Variants in GET1 observed in about 807,000 individuals in gnomAD.
The protein encoded by GET1 is congenital heart disease 5 protein.
GET1 carries 20 observed loss-of-function variants against 22.6 expected under a neutral mutation model. The observed-to-expected ratio is 0.89, with a 90% CI of 0.62 to 1.29. The LOEUF is 1.29. GET1 is among the 50% of genes most tolerant of loss of function. The pLI is 0.00. For missense variants in GET1, 209 were observed against 219.9 expected (o/e 0.95, Z 0.31); for synonymous variants, 92 against 83.8 (o/e 1.10, Z -0.53).
At chr21:39,415,577 T>C (rs1391879586) in intron 1 of GET1, among the ~76,000 whole-genome samples, 1 of 152,220 alleles carries the variant, frequency 6.6e-6, no homozygotes, top group Non-Finnish European at 1.5e-5. Flanking sequence ...AACTGCAGTA[T>C]CTTCATTCCA....
intron 3 of GET1, 154 bp from the exon 4 acceptor site, chr21:39,393,012 C>T (rs1601628458): frequency 3.4e-6 from 2 of 593,142 alleles, no homozygotes; most frequent in Non-Finnish European, 3.0e-6. Context: ...GCTGTGCGTG[C>T]TCATCTGTTG....
Position 39,393,217 on chromosome 21 carries a change from G to A in GET1, c.388G>A (p.Val130Ile), listed in dbSNP as rs2038422006. 1.2e-6 allele frequency: 2 copies of A among 1,614,238 alleles called. No individual in the cohort carries two copies. Among genetic ancestry groups the A allele is most frequent in the South Asian group, 2.2e-5 (2 of 91,086 alleles). ...IWKYYSVPVAVVPSKWITPLD... is the reference protein window; with the variant it reads ...IWKYYSVPVAIVPSKWITPLD... ...GAAGTATTATTCTGTCCCTGTGGCT[G>A]TCGTGCCGAGTAAATGGATAACCCC... Residue 130 changes from valine to isoleucine, a missense_variant, in exon 4 of 5, where the codon GTC (valine) becomes ATC (isoleucine). Physicochemically the swap from Val to Ile is conservative, Grantham distance 29. Coordinates refer to ENST00000649170, the MANE Select transcript of GET1 (RefSeq NM_004627.6).
chr21:39,384,619 T>C (rs180868417), intron 1 of GET1, among the ~76,000 whole-genome samples: 8 of 151,930 alleles, frequency 5.3e-5, no homozygotes, highest in East Asian at 3.9e-4. Context: ...GGGTTTGTTA[T>C]ATAGGTAAAC....
At chr21:39,417,151 GCCT>G (rs1211179027) in intron 1 of GET1, among the ~76,000 whole-genome samples, 1 of 152,166 alleles carries the variant, frequency 6.6e-6, no homozygotes, top group Admixed American at 6.5e-5. Flanking sequence ...TCCTGCCCCA[GCCT>G]CCTGAGTAGC....
intron 4 of GET1, among the ~76,000 whole-genome samples, chr21:39,403,842 G>A (rs2038912222): frequency 6.6e-6 from 1 of 151,848 alleles, no homozygotes; most frequent in African/African-American, 2.4e-5. Context: ...GGCTGGTCTC[G>A]AACTCCCGAC....
At chr21:39,388,235 G>A (rs914607505) in intron 1 of GET1, among the ~76,000 whole-genome samples, 3 of 152,158 alleles carry the variant, frequency 2.0e-5, no homozygotes, top group African/African-American at 7.2e-5. Context: ...GAGTGTGGTG[G>A]TGCAGGCCTG....
At chr21:39,384,770 C>T (rs779942309) in intron 1 of GET1, among the ~76,000 whole-genome samples, 2 of 151,966 alleles carry the variant, frequency 1.3e-5, no homozygotes, top group African/African-American at 2.4e-5. Flanking sequence ...TTTTAGAGGC[C>T]GGGTCTTGCT....
At chr21:39,405,734 A>G in intron 4 of GET1, 1 of 537,998 alleles carries the variant, frequency 1.9e-6, no homozygotes. Flanking sequence ...TAGATTAGCA[A>G]TCAAACAAAA....
At chr21:39,420,880 A>G (rs746711395) in intron 1 of GET1, 13 of 1,537,670 alleles carry the variant, frequency 8.5e-6, no homozygotes, top group Non-Finnish European at 1.1e-5. Flanking sequence ...TCTGCAACCA[A>G]GTTAGTATGT....
At chr21:39,404,854 G>A (rs2038958785) in intron 4 of GET1, among the ~76,000 whole-genome samples, 1 of 137,574 alleles carries the variant, frequency 7.3e-6, no homozygotes, top group African/African-American at 2.7e-5. Context: ...TTTTTGAGAT[G>A]GAGTCTCGCT....
intron 4 of GET1, among the ~76,000 whole-genome samples, chr21:39,395,023 C>T (rs2038546567): frequency 6.6e-6 from 1 of 152,060 alleles, no homozygotes; most frequent in Non-Finnish European, 1.5e-5. Flanking sequence ...TTGCACACCA[C>T]CATGCCCAGC....
intron 1 of GET1, among the ~76,000 whole-genome samples, chr21:39,382,994 A>G (rs1164105052): frequency 6.6e-6 from 1 of 151,834 alleles, no homozygotes; most frequent in Non-Finnish European, 1.5e-5. Flanking sequence ...TCCGTTGCCC[A>G]GGCTGGAGTG....
At position 39,385,068 on chromosome 21, in the gene GET1, C is replaced by A. The variant is rs201886774; in HGVS notation, c.102+4582C>A. 2.0e-4 allele frequency among the ~76,000 whole-genome samples: 31 copies of A among 152,222 alleles called. No homozygotes were observed. The South Asian group carries it at 6.4e-3, about 32-fold the overall frequency. ...GGGTCAAATGCTGCTCCTTCACCAT[C>A]GTCAGAGGCTACTTCATCACAGCCT... is the stretch of plus-strand genomic sequence containing the variant. On this transcript the variant is annotated intron_variant, in intron 1 of 4. Transcript: ENST00000649170.
chr21:39,407,926 T>C (rs1392058183), downstream of GET1: 4 of 152,224 alleles, frequency 2.6e-5, no homozygotes, highest in Non-Finnish European at 5.9e-5. Context: ...CGGTGAGTTC[T>C]GTCAAACTAC....
chr21:39,414,740 C>CTG (rs796818060), intron 1 of GET1, among the ~76,000 whole-genome samples: 1,573 of 104,062 alleles, frequency 0.015, 15 homozygotes, highest in Middle Eastern at 0.022. Flanking sequence ...CTCTCTCTCT[C>CTG]TCTGTGTGTG....
At chr21:39,398,607 T>C (rs1569045736), downstream of GET1, among the ~76,000 whole-genome samples, 3 of 149,074 alleles carry the variant, frequency 2.0e-5, no homozygotes, top group Non-Finnish European at 4.4e-5. Flanking sequence ...TTAGAAATTA[T>C]ACAGTTTTTT....
downstream of GET1, among the ~76,000 whole-genome samples, chr21:39,398,389 A>G (rs113757305): frequency 9.3e-3 from 1,414 of 152,186 alleles, 13 homozygotes; most frequent in Admixed American, 0.022. Context: ...TGCTGGGATC[A>G]CTCATCCGCA....
intron 1 of GET1, among the ~76,000 whole-genome samples, chr21:39,424,105 C>T (rs753826809): frequency 3.3e-5 from 5 of 152,020 alleles, no homozygotes; most frequent in South Asian, 2.1e-4. Context: ...CTCTGCATCC[C>T]GGGTTCAAGC....
chr21:39,394,255 G>T (rs8131718), intron 4 of GET1, among the ~76,000 whole-genome samples: 99,139 of 151,980 alleles, frequency 0.65, 32,815 homozygotes, highest in East Asian at 0.77. Context: ...ACTTGAATCC[G>T]AGAGGTTGCA....
Sources: allele counts gnomAD v4.1 joint callset (sites outside exome capture counted in the v4.1 genomes callset), GRCh38; gene constraint gnomAD v4.1.1; transcripts MANE v1.5; gene names NCBI Gene and HGNC (gene_info 2026-07-23, HGNC 2026-07-21).